STPG2: variants seen among roughly 807,000 people sequenced by gnomAD.
STPG2 encodes sperm tail PG-rich repeat containing 2.
A neutral mutation model predicts 54.2 loss-of-function variants in STPG2; 56 were observed. The ratio of observed to expected loss-of-function variants is 1.03; its 90% CI spans 0.83 to 1.29. The LOEUF (loss-of-function observed/expected upper bound fraction) is 1.29. STPG2 is among the 50% of genes most tolerant of loss of function. The pLI is 0.00. For missense variants in STPG2, 596 were observed against 544.9 expected, an observed-to-expected ratio of 1.09 and a Z score of -0.93; for synonymous variants, 200 against 181.8, an observed-to-expected ratio of 1.10 and a Z score of -0.81.
rs141820455 is a variant in STPG2, at chr4:97,733,283, T to C, written c.1205-20469A>G. 4.4e-3 allele frequency among the ~76,000 whole-genome samples: 665 copies of C among 152,232 alleles called. 3 individuals carry two copies. The highest frequency in any genetic ancestry group is 0.024 in the South Asian group (117 of 4,822). On this transcript the variant is annotated intron_variant, in intron 9 of 10. Transcript: ENST00000295268. ...ACTAAAAGGAATGAAATAATGTCTT[T>C]TGCAGAAACTTGGATGGAGCTGGAG...
chr4:97,887,790 G>A (rs1340246561), intron 8 of STPG2, among the ~76,000 whole-genome samples: 1 of 152,188 alleles, frequency 6.6e-6, no homozygotes, highest in Non-Finnish European at 1.5e-5. Context: ...GAATTTCAGA[G>A]ACATTTGGGG....
At chr4:97,880,665 G>A (rs1458500035) in intron 8 of STPG2, among the ~76,000 whole-genome samples, 2 of 151,988 alleles carry the variant, frequency 1.3e-5, no homozygotes, top group African/African-American at 4.8e-5. Flanking sequence ...ATTACTAGAA[G>A]TCATTTCTAA....
chr4:97,795,371 A>T (rs1275125586), intron 9 of STPG2, among the ~76,000 whole-genome samples: 2 of 152,056 alleles, frequency 1.3e-5, no homozygotes, highest in African/African-American at 4.8e-5. Context: ...GACAGGCCCC[A>T]GTGTGTGATG....
intron 4 of STPG2, among the ~76,000 whole-genome samples, chr4:97,537,867 A>G (rs1231757348): frequency 6.6e-6 from 1 of 152,210 alleles, no homozygotes; most frequent in Admixed American, 6.5e-5. Flanking sequence ...ACGATCAGAC[A>G]GCAACATTTG....
intron 10 of STPG2, among the ~76,000 whole-genome samples, chr4:97,575,668 T>A (rs1188258296): frequency 6.6e-6 from 1 of 151,968 alleles, no homozygotes; most frequent in Non-Finnish European, 1.5e-5. Context: ...ATAGTAAACA[T>A]GCAAAAGCTG....
intron 8 of STPG2, among the ~76,000 whole-genome samples, chr4:97,922,205 GT>G (rs1732135933): frequency 6.6e-6 from 1 of 151,856 alleles, no homozygotes; most frequent in Admixed American, 6.6e-5. Flanking sequence ...ATGTTAATTA[GT>G]TTTATTACAT....
At chr4:97,909,273 G>T (rs1434414792) in intron 8 of STPG2, among the ~76,000 whole-genome samples, 4 of 151,732 alleles carry the variant, frequency 2.6e-5, no homozygotes, top group Admixed American at 1.3e-4. Context: ...AAAATGAAAA[G>T]AAATTGGCAG....
At chr4:97,990,077 T>G (rs912410969) in intron 5 of STPG2, among the ~76,000 whole-genome samples, 3 of 152,232 alleles carry the variant, frequency 2.0e-5, no homozygotes, top group African/African-American at 7.2e-5. Flanking sequence ...TGGTCACTAC[T>G]AGAGGTCATA....
chr4:97,888,564 G>A (rs1188938954), intron 8 of STPG2, among the ~76,000 whole-genome samples: 10 of 152,108 alleles, frequency 6.6e-5, no homozygotes, highest in Non-Finnish European at 1.5e-4. Context: ...GAACAAAATT[G>A]TATCTTGGAA....
intron 9 of STPG2, among the ~76,000 whole-genome samples, chr4:97,820,127 A>G (rs1728038507): frequency 6.6e-6 from 1 of 151,984 alleles, no homozygotes; most frequent in Admixed American, 6.6e-5. Context: ...TATTATTATT[A>G]TATCTGTTAT....
chr4:97,556,207 A>G (rs1365186526), downstream of STPG2, among the ~76,000 whole-genome samples: 3 of 152,152 alleles, frequency 2.0e-5, no homozygotes, highest in African/African-American at 4.8e-5. Context: ...TAGACAAAGC[A>G]CTCTTCATCT....
chr4:97,736,931 C>T (rs1455500893), intron 9 of STPG2, among the ~76,000 whole-genome samples: 4 of 152,128 alleles, frequency 2.6e-5, no homozygotes, highest in African/African-American at 7.2e-5. Flanking sequence ...GACCCCTGAC[C>T]CCCCAGCAGC....
chr4:97,840,297 T>A (rs1728758536), intron 9 of STPG2, among the ~76,000 whole-genome samples: 1 of 151,660 alleles, frequency 6.6e-6, no homozygotes, highest in African/African-American at 2.4e-5. Flanking sequence ...TTCTGTTTTT[T>A]TCCCTAATAG....
At chr4:97,557,860 T>C (rs766619599), downstream of STPG2, among the ~76,000 whole-genome samples, 1 of 151,900 alleles carries the variant, frequency 6.6e-6, no homozygotes, top group East Asian at 1.9e-4. Flanking sequence ...ATACTAAGAG[T>C]TTCTTGCAAA....
chr4:97,563,738 G>A (rs780186500), intron 10 of STPG2, among the ~76,000 whole-genome samples: 1 of 152,170 alleles, frequency 6.6e-6, no homozygotes, highest in Non-Finnish European at 1.5e-5. Flanking sequence ...TTTCCATGTA[G>A]TTGAGTGCTT....
intron 5 of STPG2, among the ~76,000 whole-genome samples, chr4:98,027,476 A>AAAAATCAG (rs1260507606): frequency 6.6e-6 from 1 of 152,220 alleles, no homozygotes; most frequent in Non-Finnish European, 1.5e-5. Context: ...TCTGAAAAAT[A>AAAAATCAG]AAAATCAGAT....
intron 4 of STPG2, chr4:97,490,049 A>ACCT (rs1439917618): frequency 6.6e-6 from 1 of 151,558 alleles, no homozygotes; most frequent in Non-Finnish European, 1.5e-5. Context: ...TTATTTTCCC[A>ACCT]CCTCTGTGTT....
At chr4:97,829,981 A>T (rs1024137265) in intron 9 of STPG2, among the ~76,000 whole-genome samples, 26 of 152,150 alleles carry the variant, frequency 1.7e-4, no homozygotes, top group Non-Finnish European at 3.5e-4. Flanking sequence ...CTTCCCCAAC[A>T]TAGCAAGACA....
At chr4:98,110,912 C>T (rs1739328943) in intron 3 of STPG2, among the ~76,000 whole-genome samples, 1 of 151,508 alleles carries the variant, frequency 6.6e-6, no homozygotes, top group South Asian at 2.1e-4. Flanking sequence ...GTGACAAAAG[C>T]ATAATTTCAG....
Sources: allele counts gnomAD v4.1 joint callset (sites outside exome capture counted in the v4.1 genomes callset), GRCh38; gene constraint gnomAD v4.1.1; transcripts MANE v1.5; gene names NCBI Gene and HGNC (gene_info 2026-07-23, HGNC 2026-07-21).